TMTC1: variants seen among roughly 807,000 people sequenced by gnomAD.
TMTC1 encodes protein O-mannosyl-transferase TMTC1.
A neutral mutation model predicts 104.8 loss-of-function variants in TMTC1; 73 were observed. That is an observed-to-expected ratio of 0.70 (90% CI 0.58 to 0.85). The LOEUF (loss-of-function observed/expected upper bound fraction) is 0.85. Ranked by LOEUF, TMTC1 falls within the 40% of genes least tolerant of loss-of-function variation. The pLI is 0.00. For missense variants in TMTC1, 1,035 were observed against 1,096.1 expected (o/e 0.94, Z 0.79); for synonymous variants, 434 against 428.7 (o/e 1.01, Z -0.15).
intron 5 of TMTC1, among the ~76,000 whole-genome samples, chr12:29,671,483 CT>C (rs1357154501): frequency 1.3e-5 from 2 of 152,172 alleles, no homozygotes; most frequent in Non-Finnish European, 2.9e-5. Context: ...ATACATTTAA[CT>C]TGTAAATTAC....
At chr12:29,712,001 C>A (rs1941941022) in intron 5 of TMTC1, among the ~76,000 whole-genome samples, 1 of 103,658 alleles carries the variant, frequency 9.6e-6, no homozygotes. Flanking sequence ...AGCAAGACTC[C>A]ATCTCAAAAA....
intron 6 of TMTC1, among the ~76,000 whole-genome samples, chr12:29,627,410 C>T (rs1466198553): frequency 6.6e-6 from 1 of 152,078 alleles, no homozygotes; most frequent in Non-Finnish European, 1.5e-5. Context: ...AATAAGTCAC[C>T]TCTTCAGACT....
chr12:29,511,913 C>T (rs903671940), intron 17 of TMTC1, 130 bp downstream of exon 17: 1 of 910,918 alleles, frequency 1.1e-6, no homozygotes, highest in African/African-American at 1.6e-5. Context: ...TTTAAACTGC[C>T]ATACTTTTGA....
intron 5 of TMTC1, among the ~76,000 whole-genome samples, chr12:29,733,939 T>G (rs1337844509): frequency 2.0e-5 from 3 of 152,228 alleles, no homozygotes; most frequent in Non-Finnish European, 2.9e-5. Context: ...CCACAACATA[T>G]TAATGCACTT....
chr12:29,774,030 G>A (rs1036601024), intron 1 of TMTC1, among the ~76,000 whole-genome samples: 1 of 151,788 alleles, frequency 6.6e-6, no homozygotes, highest in African/African-American at 2.4e-5. Flanking sequence ...ACATGAGTGT[G>A]TGTGTGTGTG....
At chr12:29,692,250 C>T (rs1001582609) in intron 5 of TMTC1, among the ~76,000 whole-genome samples, 1 of 145,202 alleles carries the variant, frequency 6.9e-6, no homozygotes, top group Non-Finnish European at 1.5e-5. Flanking sequence ...CTCATTGCTT[C>T]CCATCAACAT....
intron 5 of TMTC1, among the ~76,000 whole-genome samples, chr12:29,689,040 C>T (rs1411767809): frequency 1.3e-5 from 2 of 152,146 alleles, no homozygotes; most frequent in African/African-American, 2.4e-5. Flanking sequence ...CTATTTACTT[C>T]AATCCTGTCT....
intron 5 of TMTC1, among the ~76,000 whole-genome samples, chr12:29,715,990 TTA>T (rs1491459495): frequency 4.0e-5 from 1 of 25,180 alleles, no homozygotes; most frequent in Non-Finnish European, 1.5e-4. Context: ...AAACTCAGTA[TTA>T]TTATTATTAT....
intron 7 of TMTC1, among the ~76,000 whole-genome samples, chr12:29,594,253 T>C (rs1946352962): frequency 6.6e-6 from 1 of 152,238 alleles, no homozygotes; most frequent in South Asian, 2.1e-4. Context: ...GAATCTGAGT[T>C]CTATTATTGC....
intron 5 of TMTC1, among the ~76,000 whole-genome samples, chr12:29,695,791 TTTTATATATATATATA>T (rs1488071608): frequency 0.1 from 9,863 of 95,230 alleles, 1,107 homozygotes; most frequent in African/African-American, 0.27. Context: ...ACTACTTCCT[TTTTATATATATATATA>T]TATATATATA....
At chr12:29,784,713 T>C (rs550776860), upstream of TMTC1, 1 of 152,356 alleles carries the variant, frequency 6.6e-6, no homozygotes, top group Non-Finnish European at 1.5e-5. Flanking sequence ...TTTTATTGTT[T>C]GCTCAAGATA....
At chr12:29,557,533 C>G in intron 9 of TMTC1, among the ~76,000 whole-genome samples, 1 of 152,252 alleles carries the variant, frequency 6.6e-6, no homozygotes, top group Non-Finnish European at 1.5e-5. Flanking sequence ...TCACTGCAAC[C>G]CCCGCCTCCC....
intron 2 of TMTC1, among the ~76,000 whole-genome samples, chr12:29,764,017 C>T (rs1358256389): frequency 1.3e-5 from 2 of 152,152 alleles, no homozygotes; most frequent in African/African-American, 4.8e-5. Context: ...CTGGAAAGTA[C>T]AAAAGCAACT....
At chr12:29,709,708 C>G (rs909357636) in intron 5 of TMTC1, among the ~76,000 whole-genome samples, 1 of 152,218 alleles carries the variant, frequency 6.6e-6, no homozygotes, top group Non-Finnish European at 1.5e-5. Context: ...ATGCACCAAT[C>G]ACAACTTGAC....
chr12:29,614,164 T>C (rs1456870096), intron 6 of TMTC1, among the ~76,000 whole-genome samples: 1 of 152,188 alleles, frequency 6.6e-6, no homozygotes, highest in Non-Finnish European at 1.5e-5. Context: ...TAGTAACTCT[T>C]AAGAGGTAAA....
intron 7 of TMTC1, among the ~76,000 whole-genome samples, chr12:29,588,627 C>T (rs988401427): frequency 6.6e-6 from 1 of 152,108 alleles, no homozygotes; most frequent in Admixed American, 6.6e-5. Context: ...GGGTAGGGAA[C>T]AACAGCTAGC....
At chr12:29,617,207 C>CT (rs1466978739) in intron 6 of TMTC1, among the ~76,000 whole-genome samples, 1 of 151,964 alleles carries the variant, frequency 6.6e-6, no homozygotes, top group Non-Finnish European at 1.5e-5. Context: ...AGTCATGCCT[C>CT]TGCCTACAAG....
At chr12:29,651,192 G>A (rs1939502445) in intron 5 of TMTC1, among the ~76,000 whole-genome samples, 1 of 152,100 alleles carries the variant, frequency 6.6e-6, no homozygotes, top group Admixed American at 6.5e-5. Context: ...AAGAATGGTT[G>A]GAAATTTTTT....
intron 5 of TMTC1, among the ~76,000 whole-genome samples, chr12:29,671,289 G>A (rs577378818): frequency 1.2e-4 from 18 of 147,502 alleles, no homozygotes; most frequent in Admixed American, 9.6e-4. Context: ...GACAGAGTGA[G>A]ACTCCATCTT....
Sources: gnomAD v4.1 joint callset for allele counts (sites outside exome capture counted in the v4.1 genomes callset) on GRCh38, gnomAD v4.1.1 for gene constraint, MANE v1.5 for transcripts, NCBI Gene and HGNC (gene_info 2026-07-23, HGNC 2026-07-21) for gene names.